Variants in IBTK observed in about 807,000 individuals in gnomAD.
IBTK encodes the protein BTK-binding protein.
IBTK carries 83 observed loss-of-function variants against 154.9 expected under a neutral mutation model. That is an observed-to-expected ratio of 0.54 (90% CI 0.45 to 0.64). The LOEUF is 0.64. IBTK is among the 30% of genes least tolerant of loss of function. The probability of loss-of-function intolerance (pLI) is 0.00; values close to 1 mark genes in which losing one functional copy is unlikely to be tolerated. For synonymous variants in IBTK, 515 were observed against 536.1 expected, an observed-to-expected ratio of 0.96 and a Z score of 0.54; for missense variants, 1,332 against 1,584.6, an observed-to-expected ratio of 0.84 and a Z score of 2.71.
In IBTK at chr6:82,216,134, C is replaced by T. The variant is rs766257724; in HGVS notation, c.1543G>A (p.Val515Ile). 4 of 1,613,656 alleles carry T rather than the reference C, an allele frequency of 2.5e-6. No individual in the cohort carries two copies. In the East Asian group the frequency reaches 8.9e-5, roughly 36 times the overall value. Residue 515 changes from valine to isoleucine, a missense_variant, in exon 11 of 29, where the codon GTC (valine) becomes ATC (isoleucine). This residue lies in a region of IBTK where 1,134 missense variants were observed against 1,274.7 expected (regional missense o/e 0.89). Transcript: ENST00000306270. The part of the protein sequence containing the change: ...KLTFAHRAVS[V>I]STDPSGCNFA... ...TTGCATCCACTTGGATCTGTGCTGACACTAACAGCTCTATGTGCAAAGGTA... is the reference window on the plus strand; with the variant it reads ...TTGCATCCACTTGGATCTGTGCTGATACTAACAGCTCTATGTGCAAAGGTA...
intron 2 of IBTK, among the ~76,000 whole-genome samples, chr6:82,235,761 A>T (rs1196841273): frequency 1.3e-5 from 2 of 152,168 alleles, no homozygotes; most frequent in Admixed American, 1.3e-4. Flanking sequence ...ATATCCCTTC[A>T]ATATATTTTG....
intron 1 of IBTK, among the ~76,000 whole-genome samples, chr6:82,245,759 C>T (rs898836754): frequency 2.0e-5 from 3 of 151,596 alleles, no homozygotes; most frequent in African/African-American, 4.8e-5. Flanking sequence ...TGTGCCTTTT[C>T]TTAGAGATTT....
At chr6:82,226,603 T>C (rs1770306832) in intron 5 of IBTK, among the ~76,000 whole-genome samples, 1 of 123,484 alleles carries the variant, frequency 8.1e-6, no homozygotes, top group African/African-American at 2.7e-5. Flanking sequence ...CCTTCTTTTT[T>C]GTTTTTTTTT....
rs181159640 is a variant in IBTK, at chr6:82,170,779, C to A, written c.*646G>T. The stretch of plus-strand genomic sequence containing the variant: ...GCTATTCTCTTGGGACTAAACTGTT[C>A]AGAATAATCAGTATTCTTATTCCCT... On this transcript the variant is annotated 3_prime_UTR_variant, in exon 29 of 29. Transcript: ENST00000306270. 14 of 152,256 alleles carry A rather than the reference C, an allele frequency of 9.2e-5. No homozygotes were observed. The East Asian group carries it at 2.5e-3, about 27-fold the overall frequency. The allele number at this position is 152,256 out of a possible 1,614,324, so 9.4% of individuals were successfully genotyped here.
chr6:82,203,013 C>T (rs1308576767), intron 17 of IBTK, among the ~76,000 whole-genome samples: 1 of 152,018 alleles, frequency 6.6e-6, no homozygotes, highest in East Asian at 1.9e-4. Flanking sequence ...TTTCCATTTA[C>T]ATAGCAGTTA....
At chr6:82,233,894 C>G (rs903027960) in intron 3 of IBTK, among the ~76,000 whole-genome samples, 1 of 151,742 alleles carries the variant, frequency 6.6e-6, no homozygotes, top group East Asian at 1.9e-4. Flanking sequence ...CTACCATGCC[C>G]GGCTAACTTT....
chr6:82,194,610 A>C lies in IBTK; in HGVS notation c.3207T>G (p.Ser1069=). 6.2e-7 allele frequency: 1 copy of C among 1,600,484 alleles called. No individual in the cohort carries two copies. Among genetic ancestry groups the C allele is most frequent in the Non-Finnish European group, 8.5e-7 (1 of 1,174,482 alleles). Residue 1069 remains serine (S), a synonymous_variant, in exon 23 of 29, where the codon TCT becomes TCG. Transcript: ENST00000306270. Reference sequence around the variant, plus strand: ...TTAAATCTTCCCTAGAATACACAGGAGATGTACCATTAACATACGGTTTGA... The same window carrying C: ...TTAAATCTTCCCTAGAATACACAGGCGATGTACCATTAACATACGGTTTGA... ...AKVKPYVNGT[S]PVYSREDLKP... is the part of the protein sequence containing the mutation.
At chr6:82,184,588 A>G (rs1228007166) in intron 25 of IBTK, among the ~76,000 whole-genome samples, 2 of 152,186 alleles carry the variant, frequency 1.3e-5, no homozygotes, top group Non-Finnish European at 2.9e-5. Context: ...TGGAACTTCA[A>G]TCTAATGCAA....
chr6:82,182,182 A>C (rs1013802181), intron 25 of IBTK, among the ~76,000 whole-genome samples, 154 bp from the exon 26 acceptor site: 3 of 152,198 alleles, frequency 2.0e-5, no homozygotes, highest in Admixed American at 1.3e-4. Context: ...CCAATTGTGA[A>C]ATATCCAAAA....
intron 1 of IBTK, among the ~76,000 whole-genome samples, chr6:82,241,160 T>C (rs1449353249): frequency 6.6e-6 from 1 of 152,160 alleles, no homozygotes; most frequent in African/African-American, 2.4e-5. Context: ...ATTTTTCCAC[T>C]CTCATGTTTA....
At chr6:82,206,724 A>T (rs562490499) in intron 16 of IBTK, among the ~76,000 whole-genome samples, 2 of 152,330 alleles carry the variant, frequency 1.3e-5, no homozygotes, top group East Asian at 3.9e-4. Flanking sequence ...ATCCAGTAAC[A>T]TATAAAAAGG....
At chr6:82,231,313 C>CAAAA (rs144796263) in intron 4 of IBTK, among the ~76,000 whole-genome samples, 1 of 146,614 alleles carries the variant, frequency 6.8e-6, no homozygotes. Flanking sequence ...TTAATGCCAC[C>CAAAA]AAAAAAAAAA....
chr6:82,211,620 T>G, intron 13 of IBTK, 48 bp from the exon 14 acceptor site: 1 of 1,465,680 alleles, frequency 6.8e-7, no homozygotes, highest in Non-Finnish European at 9.5e-7. Flanking sequence ...TTTACATATT[T>G]AGTGAAAAAG....
intron 21 of IBTK, among the ~76,000 whole-genome samples, chr6:82,199,137 T>G (rs1246260501): frequency 2.0e-5 from 3 of 152,098 alleles, no homozygotes; most frequent in Non-Finnish European, 4.4e-5. Flanking sequence ...TGTAGAAGAG[T>G]ATTCCCATCT....
chr6:82,182,599 CA>C (rs1768361839), intron 25 of IBTK, among the ~76,000 whole-genome samples: 1 of 151,896 alleles, frequency 6.6e-6, no homozygotes, highest in Admixed American at 6.6e-5. Context: ...AAACAATGGC[CA>C]AAATTTTCCC....
rs151073269 is a variant in IBTK at position 82,188,827 on chromosome 6, C to T, written c.3575+2246G>A. Among the ~76,000 whole-genome samples the T allele has an allele frequency of 9.4e-3, 1,434 of 152,020 alleles. 20 individuals carry two copies. Among genetic ancestry groups the T allele is most frequent in the African/African-American group, 0.033 (1,356 of 41,454 alleles). ...GGCAGATCACTTGAGGTCAGGAGTT[C>T]GAGACCAGCCTTGCCAACATGGTGA... On this transcript the variant is annotated intron_variant, in intron 25 of 28. Coordinates refer to ENST00000306270, the MANE Select transcript of IBTK (RefSeq NM_015525.4).
rs1769698380 is a variant in IBTK at position 82,212,708 on chromosome 6, A to T, written c.2290T>A (p.Cys764Ser). ...GTTAATCTTCCTTTCCTTACTTACC[A>T]TTTTTTCTGACTTAGCTTCAGTTTA... ...GNKLKLSQKK[C>S]SFLCDVTMKS... The change falls in exon 13 of 29, where the codon TGT becomes AGT. Residue 764 changes from cysteine to serine, a missense_variant and splice_region_variant. By Grantham distance (112) the Cys-to-Ser change is moderately radical. This residue lies in a region of IBTK where 1,134 missense variants were observed against 1,274.7 expected (regional missense o/e 0.89). Transcript: ENST00000306270. 6.4e-7 allele frequency: 1 copy of T among 1,574,424 alleles called. No individual in the cohort carries two copies. Among genetic ancestry groups the T allele is most frequent in the Admixed American group, 1.7e-5 (1 of 59,840 alleles).
At chr6:82,190,188 T>TA (rs1768709299) in intron 25 of IBTK, among the ~76,000 whole-genome samples, 3 of 152,204 alleles carry the variant, frequency 2.0e-5, no homozygotes, top group African/African-American at 7.2e-5. Context: ...TTAGTTCCAT[T>TA]GGTAACATTT....
intron 8 of IBTK, among the ~76,000 whole-genome samples, chr6:82,222,008 T>C (rs917410220): frequency 6.6e-6 from 1 of 151,704 alleles, no homozygotes; most frequent in African/African-American, 2.4e-5. Context: ...CTACTAAAAA[T>C]ACAAAAAAAA....
Sources: allele counts gnomAD v4.1 joint callset (sites outside exome capture counted in the v4.1 genomes callset), GRCh38; gene constraint gnomAD v4.1.1; regional missense constraint gnomAD v4.1.1; transcripts MANE v1.5; gene names NCBI Gene and HGNC (gene_info 2026-07-23, HGNC 2026-07-21).